The following IL1R2 variants were observed in gnomAD, a reference collection of about 807,000 sequenced individuals.
The protein encoded by IL1R2 is interleukin 1 receptor type 2, also known as interleukin-1 receptor type 2.
Under a neutral mutation model 39.5 loss-of-function variants are expected in IL1R2, and 46 were observed. The observed-to-expected ratio is 1.16, with a 90% CI of 0.92 to 1.49. The LOEUF is 1.49. Ranked by LOEUF, IL1R2 falls within the 40% of genes most tolerant of loss-of-function variation. IL1R2 has a pLI of 0.00. For missense variants in IL1R2, 537 were observed against 502.0 expected, an observed-to-expected ratio of 1.07 and a Z score of -0.67; for synonymous variants, 207 against 189.6, an observed-to-expected ratio of 1.09 and a Z score of -0.75.
chr2:102,002,327 T>G (rs1383330782), intron 1 of IL1R2, among the ~76,000 whole-genome samples: 7 of 136,664 alleles, frequency 5.1e-5, no homozygotes, highest in Admixed American at 3.6e-4. Context: ...TGTCTGTGTC[T>G]GTGTGTCTGT....
At chr2:102,026,291 A>C (rs1252136289) in intron 8 of IL1R2, 38 bp downstream of exon 8, 1 of 1,494,536 alleles carries the variant, frequency 6.7e-7, no homozygotes, top group East Asian at 2.3e-5. Context: ...AGGAGAATAT[A>C]ACATGTTGAA....
intron 1 of IL1R2, among the ~76,000 whole-genome samples, chr2:102,000,514 A>G (rs1395548048): frequency 6.6e-6 from 1 of 152,196 alleles, no homozygotes; most frequent in Non-Finnish European, 1.5e-5. Context: ...AGAGGGAGGA[A>G]ATTTTGGGAT....
chr2:102,014,947 AAAT>A (rs60026295), intron 3 of IL1R2, among the ~76,000 whole-genome samples: 1,844 of 141,476 alleles, frequency 0.013, 31 homozygotes, highest in East Asian at 0.048. Flanking sequence ...TAGGCTAGTA[AAAT>A]AATAATAATA....
chr2:102,006,978 C>T (rs1577696033), intron 1 of IL1R2, among the ~76,000 whole-genome samples: 1 of 152,176 alleles, frequency 6.6e-6, no homozygotes, highest in Admixed American at 6.5e-5. Context: ...GGATGAGACA[C>T]CCATGGAGCA....
rs190460945 is a variant in IL1R2, at chr2:102,012,113, G to A, written c.332+2287G>A. 1.1e-4 allele frequency among the ~76,000 whole-genome samples: 17 copies of A among 152,276 alleles called. 1 individual carries two copies. Among genetic ancestry groups the A allele is most frequent in the Non-Finnish European group, 2.2e-4 (15 of 68,012 alleles). Reference sequence around the variant, plus strand: ...TTCTTGGCTTCGTTCTTCTGAACTAGGACAACCCTCAGCTTGATTGGGAAC... The same window carrying A: ...TTCTTGGCTTCGTTCTTCTGAACTAAGACAACCCTCAGCTTGATTGGGAAC... On this transcript the variant is annotated intron_variant, in intron 3 of 8. Coordinates refer to ENST00000332549, the MANE Select transcript of IL1R2 (RefSeq NM_004633.4).
intron 1 of IL1R2, among the ~76,000 whole-genome samples, chr2:102,001,364 C>T (rs949605060): frequency 3.3e-5 from 5 of 152,208 alleles, no homozygotes; most frequent in African/African-American, 1.2e-4. Flanking sequence ...TGAGATTCAG[C>T]CCAATGTGGC....
At chr2:102,013,293 C>A (rs61339230) in intron 3 of IL1R2, among the ~76,000 whole-genome samples, 1 of 151,906 alleles carries the variant, frequency 6.6e-6, no homozygotes, top group African/African-American at 2.4e-5. Context: ...GATTGGGATT[C>A]TAATTGAGTG....
intron 4 of IL1R2, among the ~76,000 whole-genome samples, chr2:102,017,820 A>T (rs1677105729): frequency 6.6e-6 from 1 of 152,210 alleles, no homozygotes; most frequent in Non-Finnish European, 1.5e-5. Flanking sequence ...TGCAGACTCC[A>T]AGATCCAAAA....
Position 102,022,259 on chromosome 2 carries a change from A to C in IL1R2, c.751+10A>C, listed in dbSNP as rs771416747. On this transcript the variant is annotated intron_variant, in intron 6 of 8. Transcript: ENST00000332549. ...ATATCAGCTTCTCTGGGTAAGGCCC[A>C]CAAGGACCATGCATTCCACGCACCT... is the stretch of plus-strand genomic sequence containing the variant. 12 of 1,611,224 alleles carry C rather than the reference A, an allele frequency of 7.4e-6. No individual in the cohort carries two copies. The highest frequency in any genetic ancestry group is 1.0e-5 in the Non-Finnish European group (12 of 1,177,338).
In IL1R2 at chr2:102,001,697, C is replaced by T. The variant is rs1322986433; in HGVS notation, c.-61-6818C>T. On this transcript the variant is annotated intron_variant, in intron 1 of 8. Coordinates refer to ENST00000332549, the MANE Select transcript of IL1R2 (RefSeq NM_004633.4). ...CTGTATCTGAGTCTAGAAAGTCTTC[C>T]CTCTTAAAATTCTGTTATTTCCTAG... is the stretch of plus-strand genomic sequence containing the variant. Among the ~76,000 whole-genome samples, 3 of 152,100 alleles carry T rather than the reference C, an allele frequency of 2.0e-5. No individual in the cohort carries two copies. The East Asian group carries it at 5.8e-4, about 29-fold the overall frequency.
intron 3 of IL1R2, among the ~76,000 whole-genome samples, chr2:102,015,159 T>A (rs924823912): frequency 1.3e-5 from 2 of 152,100 alleles, no homozygotes; most frequent in African/African-American, 4.8e-5. Flanking sequence ...TGGGAAACAA[T>A]CTCTGCATGT....
intron 3 of IL1R2, among the ~76,000 whole-genome samples, chr2:102,012,795 A>G: frequency 6.6e-6 from 1 of 152,176 alleles, no homozygotes; most frequent in East Asian, 1.9e-4. Context: ...TAAAAATTCT[A>G]ATTTTCTCTA....
intron 6 of IL1R2, among the ~76,000 whole-genome samples, chr2:102,023,987 T>C (rs892947195): frequency 6.6e-6 from 1 of 150,484 alleles, no homozygotes; most frequent in African/African-American, 2.5e-5. Flanking sequence ...AGGCGGAGCT[T>C]GCAGTGAGCC....
intron 3 of IL1R2, among the ~76,000 whole-genome samples, chr2:102,013,561 AGAAAAGAAAAGAAGG>A (rs1676789849): frequency 7.2e-6 from 1 of 138,424 alleles, no homozygotes; most frequent in Non-Finnish European, 1.6e-5. Context: ...AAGGAAAGAA[AGAAAAGAAAAGAAGG>A]AAAAGAAAAA....
At chr2:102,018,120 G>A (rs1277040824) in intron 4 of IL1R2, among the ~76,000 whole-genome samples, 1 of 152,258 alleles carries the variant, frequency 6.6e-6, no homozygotes, top group Middle Eastern at 3.4e-3. Flanking sequence ...CTTTTTAATA[G>A]AGATAGGGTC....
intron 1 of IL1R2, among the ~76,000 whole-genome samples, chr2:102,007,845 C>T (rs1156308975): frequency 6.6e-6 from 1 of 152,208 alleles, no homozygotes; most frequent in Non-Finnish European, 1.5e-5. Context: ...ATAAGGTAAA[C>T]ATAGAGTGGC....
Position 102,024,575 on chromosome 2 carries a change from G to A in IL1R2, c.794G>A (p.Gly265Asp). Residue 265 changes from glycine to aspartate, a missense_variant, in exon 7 of 9, where the codon GGC (glycine) becomes GAC (aspartate). Physicochemically the swap from Gly to Asp is moderately conservative, Grantham distance 94. Transcript: ENST00000332549. ...CCGTGTAAGGTGTTTCTGGGAACCG[G>A]CACACCCTTAACCACCATGCTGTGG... ...TIPCKVFLGT[G>D]TPLTTMLWWT... is the part of the protein sequence containing the mutation. The A allele has an allele frequency of 6.2e-7, 1 of 1,614,020 alleles. No individual in the cohort carries two copies. Among genetic ancestry groups the A allele is most frequent in the East Asian group, 2.2e-5 (1 of 44,872 alleles).
intron 6 of IL1R2, 43 bp from the exon 7 acceptor site, chr2:102,024,473 TTGCTGGTGGGTGGGAGG>T: frequency 8.0e-7 from 1 of 1,251,038 alleles, no homozygotes; most frequent in Non-Finnish European, 1.2e-6. Context: ...GGGCTCAGGT[TTGCTGGTGGGTGGGAGG>T]TGCTGGTTCT....
At chr2:102,021,637 T>C (rs1205117783) in intron 5 of IL1R2, among the ~76,000 whole-genome samples, 1 of 152,242 alleles carries the variant, frequency 6.6e-6, no homozygotes, top group Non-Finnish European at 1.5e-5. Context: ...ACGTTGGCTC[T>C]AATCCCTTGG....
Sources: allele counts gnomAD v4.1 joint callset (sites outside exome capture counted in the v4.1 genomes callset), GRCh38; gene constraint gnomAD v4.1.1; transcripts MANE v1.5; gene names NCBI Gene and HGNC (gene_info 2026-07-23, HGNC 2026-07-21).